PPP3R1: variants seen among roughly 807,000 people sequenced by gnomAD.
The protein encoded by PPP3R1 is calcineurin subunit B type 1.
A neutral mutation model predicts 22.6 loss-of-function variants in PPP3R1; 5 were observed. The observed-to-expected ratio is 0.22, with a 90% CI of 0.12 to 0.46. PPP3R1 has a LOEUF of 0.46. Among genes scored for constraint, PPP3R1 ranks in the 20% least tolerant of loss-of-function variants. The pLI, the probability that PPP3R1 is intolerant of heterozygous loss-of-function variation, is 0.99. For missense variants in PPP3R1, 61 were observed against 203.2 expected (o/e 0.30, Z 4.25); for synonymous variants, 56 against 65.2 (o/e 0.86, Z 0.68).
chr2:68,220,509 T>C (rs1446039434), intron 1 of PPP3R1, among the ~76,000 whole-genome samples: 1 of 152,188 alleles, frequency 6.6e-6, no homozygotes, highest in Non-Finnish European at 1.5e-5. Flanking sequence ...ACGACTATAT[T>C]GGCCATGAAT....
Position 68,217,004 on chromosome 2 carries a change from G to T in PPP3R1, c.43+88C>A, listed in dbSNP as rs1418176347. On this transcript the variant is annotated intron_variant, in intron 2 of 5. Transcript: ENST00000234310. ...AAGGTAAGTAAATATACATTACAGA[G>T]GTATGATACACACACACACACACAC... is the stretch of plus-strand genomic sequence containing the variant. The T allele has an allele frequency of 4.4e-6, 4 of 907,636 alleles. No individual in the cohort carries two copies. The Admixed American group carries it at 8.1e-5, about 18-fold the overall frequency. The allele number at this position is 907,636 out of a possible 1,614,324, so 56.2% of individuals were successfully genotyped here. A position where few individuals can be genotyped will look rare whatever the true frequency, so the allele number is the denominator to read the frequency against.
chr2:68,188,714 C>G (rs777625092), intron 2 of PPP3R1, 24 bp from the exon 3 acceptor site: 11 of 1,538,122 alleles, frequency 7.2e-6, no homozygotes, highest in South Asian at 1.3e-5. Context: ...AAAAAGGAAG[C>G]AAGAATTTTT....
intron 2 of PPP3R1, among the ~76,000 whole-genome samples, chr2:68,191,306 A>G (rs1000104324): frequency 1.3e-4 from 20 of 152,214 alleles, no homozygotes. Flanking sequence ...AAATCTGTAC[A>G]GCATCTTACT....
intron 2 of PPP3R1, among the ~76,000 whole-genome samples, chr2:68,201,740 T>A (rs941397298): frequency 2.0e-5 from 3 of 152,242 alleles, no homozygotes; most frequent in South Asian, 2.1e-4. Flanking sequence ...GTTCTCACAT[T>A]TGAGTGATCA....
At chr2:68,216,954 A>C (rs1194998451) in intron 2 of PPP3R1, 138 bp downstream of exon 2, 2 of 596,024 alleles carry the variant, frequency 3.4e-6, no homozygotes, top group African/African-American at 3.7e-5. Context: ...CCCACTTTAA[A>C]TAGTTAAGGG....
chr2:68,206,556 A>G (rs1246355575), intron 2 of PPP3R1, among the ~76,000 whole-genome samples: 4 of 152,218 alleles, frequency 2.6e-5, no homozygotes, highest in Non-Finnish European at 5.9e-5. Flanking sequence ...AAGGAGACTG[A>G]GAGAAATAAC....
intron 2 of PPP3R1, among the ~76,000 whole-genome samples, chr2:68,209,596 A>G (rs1445260149): frequency 1.3e-5 from 2 of 151,856 alleles, no homozygotes; most frequent in Admixed American, 6.6e-5. Context: ...CTACAAAAAA[A>G]TGTTTAAAAA....
At chr2:68,214,560 C>G (rs1669540718) in intron 2 of PPP3R1, among the ~76,000 whole-genome samples, 1 of 152,114 alleles carries the variant, frequency 6.6e-6, no homozygotes, top group Admixed American at 6.6e-5. Context: ...TAGAGAAATG[C>G]AAATCAAAAC....
intron 2 of PPP3R1, among the ~76,000 whole-genome samples, chr2:68,206,404 G>A (rs2103754076): frequency 6.6e-6 from 1 of 152,296 alleles, no homozygotes; most frequent in South Asian, 2.1e-4. Flanking sequence ...GGCAGGCAGA[G>A]GTGAGGGGGG....
chr2:68,184,733 G>A (rs1477069626), intron 5 of PPP3R1, among the ~76,000 whole-genome samples: 2 of 152,064 alleles, frequency 1.3e-5, no homozygotes, highest in South Asian at 2.1e-4. Context: ...AAAACACAAC[G>A]AACATTTTTC....
At chr2:68,212,889 G>C (rs780367619) in intron 2 of PPP3R1, among the ~76,000 whole-genome samples, 1 of 152,226 alleles carries the variant, frequency 6.6e-6, no homozygotes, top group African/African-American at 2.4e-5. Context: ...TGCAGCTTCT[G>C]CATCAGCACT....
intron 1 of PPP3R1, among the ~76,000 whole-genome samples, chr2:68,249,535 TTAAG>T (rs1418172342): frequency 6.6e-6 from 1 of 152,188 alleles, no homozygotes; most frequent in African/African-American, 2.4e-5. Flanking sequence ...TTATGTTCAT[TTAAG>T]TATCCAGAAC....
At chr2:68,232,563 C>G (rs1319844996) in intron 1 of PPP3R1, among the ~76,000 whole-genome samples, 1 of 151,916 alleles carries the variant, frequency 6.6e-6, no homozygotes, top group Non-Finnish European at 1.5e-5. Flanking sequence ...GACTATGGAT[C>G]TACTCTATTT....
chr2:68,202,123 A>G (rs1674991059), intron 2 of PPP3R1, among the ~76,000 whole-genome samples: 2 of 152,196 alleles, frequency 1.3e-5, no homozygotes, highest in African/African-American at 4.8e-5. Context: ...TGTTCTCCAA[A>G]TCATTCTTTC....
chr2:68,206,060 C>T (rs971107878), intron 2 of PPP3R1, among the ~76,000 whole-genome samples: 9 of 152,190 alleles, frequency 5.9e-5, no homozygotes, highest in East Asian at 1.9e-4. Context: ...TCAGGTGATC[C>T]GCCCGCCTCG....
At chr2:68,248,706 C>T (rs1464193107) in intron 1 of PPP3R1, among the ~76,000 whole-genome samples, 1 of 152,186 alleles carries the variant, frequency 6.6e-6, no homozygotes, top group Admixed American at 6.5e-5. Context: ...GTGCCTTCTT[C>T]TAGATGCCTC....
chr2:68,214,342 C>G (rs1002286155), intron 2 of PPP3R1, among the ~76,000 whole-genome samples: 8 of 152,146 alleles, frequency 5.3e-5, no homozygotes, highest in African/African-American at 1.9e-4. Context: ...CAGAGTAAAA[C>G]AGACAACCTA....
chr2:68,224,478 T>C (rs1669745529), intron 1 of PPP3R1, among the ~76,000 whole-genome samples: 1 of 151,982 alleles, frequency 6.6e-6, no homozygotes, highest in Non-Finnish European at 1.5e-5. Context: ...CTGACCAACA[T>C]GGTGAAACCC....
At chr2:68,229,497 T>A (rs550186876) in intron 1 of PPP3R1, among the ~76,000 whole-genome samples, 120 of 152,338 alleles carry the variant, frequency 7.9e-4, no homozygotes, top group Non-Finnish European at 1.5e-3. Context: ...GGTGTTGACG[T>A]CTCCAATTAT....
Sources: gnomAD v4.1 joint callset for allele counts (sites outside exome capture counted in the v4.1 genomes callset) on GRCh38, gnomAD v4.1.1 for gene constraint, MANE v1.5 for transcripts, NCBI Gene and HGNC (gene_info 2026-07-23, HGNC 2026-07-21) for gene names.